ATL3: variants seen among roughly 807,000 people sequenced by gnomAD.
ATL3 encodes the protein atlastin GTPase 3.
A neutral mutation model predicts 69.5 loss-of-function variants in ATL3; 49 were observed. The ratio of observed to expected loss-of-function variants is 0.71; its 90% CI spans 0.56 to 0.89. The LOEUF (loss-of-function observed/expected upper bound fraction) is 0.89, where lower values mean the gene tolerates loss of function less well. ATL3 is among the 40% of genes least tolerant of loss of function. The probability of loss-of-function intolerance (pLI) is 0.00; values close to 1 mark genes in which losing one functional copy is unlikely to be tolerated. For missense variants in ATL3, 606 were observed against 645.7 expected (o/e 0.94, Z 0.67); for synonymous variants, 214 against 224.1 (o/e 0.95, Z 0.40).
At chr11:63,635,760 GT>G (rs1939494793) in intron 9 of ATL3, among the ~76,000 whole-genome samples, 170 bp from the exon 10 acceptor site, 1 of 151,282 alleles carries the variant, frequency 6.6e-6, no homozygotes. Flanking sequence ...AGCATTTTTA[GT>G]TAACTAAAAA....
chr11:63,671,629 C>T (rs991461990), upstream of ATL3: 360 of 1,420,078 alleles, frequency 2.5e-4, no homozygotes, highest in Middle Eastern at 3.8e-4. Context: ...AGCGAGCCGC[C>T]GGGTACCTGT....
intron 5 of ATL3, among the ~76,000 whole-genome samples, chr11:63,651,223 G>A (rs769829776): frequency 2.0e-5 from 3 of 152,020 alleles, no homozygotes; most frequent in Non-Finnish European, 4.4e-5. Flanking sequence ...TTGGGAGGCC[G>A]AGGCAGGCGG....
chr11:63,659,350 G>A (rs1940355883), intron 1 of ATL3, 98 bp from the exon 2 acceptor site: 3 of 928,242 alleles, frequency 3.2e-6, no homozygotes, highest in Admixed American at 2.3e-5. Context: ...GACAGGGCCA[G>A]GCTCAATGGC....
chr11:63,667,792 G>A (rs1940622747), intron 1 of ATL3, among the ~76,000 whole-genome samples: 1 of 150,624 alleles, frequency 6.6e-6, no homozygotes, highest in Non-Finnish European at 1.5e-5. Context: ...TGACAGTGTA[G>A]ACTAGGGTTT....
At chr11:63,654,975 C>A (rs964958348) in intron 3 of ATL3, among the ~76,000 whole-genome samples, 3 of 150,726 alleles carry the variant, frequency 2.0e-5, no homozygotes, top group Non-Finnish European at 2.9e-5. Flanking sequence ...TTTTTCTCCT[C>A]ATTTGGGTTA....
upstream of ATL3, chr11:63,671,698 C>T (rs1208331547): frequency 2.3e-6 from 3 of 1,307,152 alleles, no homozygotes; most frequent in Non-Finnish European, 3.0e-6. Context: ...TCACTGGGTC[C>T]CGGCCAGCGG....
Position 63,636,353 on chromosome 11 carries a change from A to C in ATL3, c.851-19T>G. ...GCAATATCTGTTCACAGGACGACAA[A>C]GAAGGGAAAAATAAGCCAAACAGCC... On this transcript the variant is annotated intron_variant, in intron 8 of 12. Transcript: ENST00000398868. 1 of 1,613,586 alleles carries C rather than the reference A, an allele frequency of 6.2e-7. No homozygotes were observed. Among genetic ancestry groups the C allele is most frequent in the East Asian group, 2.2e-5 (1 of 44,874 alleles).
At position 63,652,522 on chromosome 11, in the gene ATL3, C is replaced by T; in HGVS notation, c.459G>A (p.Val153=). Reference sequence around the variant, plus strand: ...GAGCAAAGATGGTAGCACAGTCTTTCACAGTTGACTGGCTGTCAAATGCCC... The same window carrying T: ...GAGCAAAGATGGTAGCACAGTCTTTTACAGTTGACTGGCTGTCAAATGCCC... ...TQGAFDSQST[V]KDCATIFALS... Residue 153 remains valine (V), a synonymous_variant, in exon 4 of 13, where the codon GTG becomes GTA. Coordinates refer to ENST00000398868, the MANE Select transcript of ATL3 (RefSeq NM_015459.5). The T allele has an allele frequency of 6.2e-7, 1 of 1,612,198 alleles. No individual in the cohort carries two copies. Among genetic ancestry groups the T allele is most frequent in the Non-Finnish European group, 8.5e-7 (1 of 1,178,780 alleles).
chr11:63,652,360 T>C (rs1436485749), intron 4 of ATL3, 111 bp downstream of exon 4: 2 of 694,546 alleles, frequency 2.9e-6, no homozygotes, highest in African/African-American at 1.8e-5. Context: ...TTAAAAATAA[T>C]ATTTACATAT....
At chr11:63,660,934 C>G (rs984290696) in intron 1 of ATL3, among the ~76,000 whole-genome samples, 1 of 151,822 alleles carries the variant, frequency 6.6e-6, no homozygotes, top group African/African-American at 2.4e-5. Context: ...AAGGAAATGG[C>G]CAGGCTCAGT....
intron 12 of ATL3, among the ~76,000 whole-genome samples, 166 bp downstream of exon 12, chr11:63,630,874 T>C (rs927401127): frequency 1.3e-5 from 2 of 151,338 alleles, no homozygotes; most frequent in Admixed American, 1.3e-4. Context: ...AATATTAATA[T>C]CCTAAAGGAT....
In ATL3 at chr11:63,659,133, G is replaced by T. The variant is rs527298351; in HGVS notation, c.166C>A (p.Arg56=). ...LASILLQDHI[R]DLDVVVVSVA... ...GAAACCACCACCACATCAAGATCTCGGATGTGGTCCTGCAAGAGGATGCTG... is the reference window on the plus strand; with the variant it reads ...GAAACCACCACCACATCAAGATCTCTGATGTGGTCCTGCAAGAGGATGCTG... Residue 56 remains arginine, a synonymous_variant, in exon 2 of 13, where the codon CGA becomes AGA. Coordinates refer to ENST00000398868, the MANE Select transcript of ATL3 (RefSeq NM_015459.5). The T allele has an allele frequency of 6.2e-7, 1 of 1,613,980 alleles. No homozygotes were observed. The highest frequency in any genetic ancestry group is 1.1e-5 in the South Asian group (1 of 91,076).
rs893309308 is a variant in ATL3, at chr11:63,651,930, A to C, written c.561+6T>G. Reference sequence around the variant, plus strand: ...TGATGTTAAAATTGTTATGAGAAATATATACCTGCAGCTGTTGAAGATCAT... The same window carrying C: ...TGATGTTAAAATTGTTATGAGAAATCTATACCTGCAGCTGTTGAAGATCAT... On this transcript the variant is annotated splice_donor_region_variant and intron_variant, in intron 5 of 12. Transcript: ENST00000398868. 5.7e-6 allele frequency: 9 copies of C among 1,591,396 alleles called. No individual in the cohort carries two copies. The highest frequency in any genetic ancestry group is 7.7e-6 in the Non-Finnish European group (9 of 1,173,910).
chr11:63,644,382 CTTTT>C (rs5792299), intron 6 of ATL3, 121 bp from the exon 7 acceptor site: 117 of 344,856 alleles, frequency 3.4e-4, no homozygotes, highest in East Asian at 1.0e-3. Context: ...AAGGATTTAC[CTTTT>C]TTTTTTTTTT....
chr11:63,652,637 G>T, intron 3 of ATL3, 62 bp from the exon 4 acceptor site: 1 of 1,291,484 alleles, frequency 7.7e-7, no homozygotes, highest in South Asian at 1.3e-5. Flanking sequence ...CCGTAAAGGA[G>T]AAATTGAAAA....
chr11:63,653,945 A>C (rs1265425327), intron 3 of ATL3, among the ~76,000 whole-genome samples: 1 of 152,174 alleles, frequency 6.6e-6, no homozygotes, highest in African/African-American at 2.4e-5. Flanking sequence ...TCAAAATCCA[A>C]TGTACAACAC....
At chr11:63,657,619 A>G (rs1940296448) in intron 3 of ATL3, among the ~76,000 whole-genome samples, 1 of 152,262 alleles carries the variant, frequency 6.6e-6, no homozygotes, top group Non-Finnish European at 1.5e-5. Context: ...GCTTTCTGTT[A>G]GAAGCCTTAC....
chr11:63,656,964 C>A (rs1254568877), intron 3 of ATL3, among the ~76,000 whole-genome samples: 2 of 152,048 alleles, frequency 1.3e-5, no homozygotes, highest in Non-Finnish European at 2.9e-5. Flanking sequence ...GTAATCCCAG[C>A]ACTTTGGGAG....
At chr11:63,652,645 AAAGTACAGGTAATATATACTT>A in intron 3 of ATL3, 70 bp from the exon 4 acceptor site, 3 of 1,150,274 alleles carry the variant, frequency 2.6e-6, no homozygotes, top group Non-Finnish European at 3.8e-6. Flanking sequence ...GAGAAATTGA[AAAGTACAGGTAATATATACTT>A]AAGTACAGGT....
Sources: gnomAD v4.1 joint callset for allele counts (sites outside exome capture counted in the v4.1 genomes callset) on GRCh38, gnomAD v4.1.1 for gene constraint, MANE v1.5 for transcripts, NCBI Gene and HGNC (gene_info 2026-07-23, HGNC 2026-07-21) for gene names.